PLCB4: variants seen among roughly 807,000 people sequenced by gnomAD.
PLCB4 encodes phospholipase C beta 4, also known as 1-phosphatidylinositol 4,5-bisphosphate phosphodiesterase beta-4.
Under a neutral mutation model 178.8 loss-of-function variants are expected in PLCB4, and 77 were observed. The observed-to-expected ratio is 0.43, with a 90% CI of 0.36 to 0.52. The LOEUF (loss-of-function observed/expected upper bound fraction) is 0.52, where lower values mean the gene tolerates loss of function less well. Ranked by LOEUF, PLCB4 falls within the 20% of genes least tolerant of loss-of-function variation. PLCB4 has a pLI of 0.00. For missense variants in PLCB4, 1,024 were observed against 1,453.4 expected (o/e 0.70, Z 4.80); for synonymous variants, 496 against 490.8 (o/e 1.01, Z -0.14).
chr20:9,336,493 AG>A (rs960815655), intron 4 of PLCB4, among the ~76,000 whole-genome samples: 2 of 152,146 alleles, frequency 1.3e-5, no homozygotes, highest in African/African-American at 4.8e-5. Flanking sequence ...AATCTTCTAG[AG>A]GGCTTGTTGG....
chr20:9,202,243 G>A (rs924539355), intron 2 of PLCB4, among the ~76,000 whole-genome samples: 21 of 152,164 alleles, frequency 1.4e-4, no homozygotes, highest in African/African-American at 4.3e-4. Flanking sequence ...GACTGTCAAA[G>A]GGGCAGCCTG....
intron 2 of PLCB4, among the ~76,000 whole-genome samples, chr20:9,151,313 G>A (rs774214702): frequency 1.3e-5 from 2 of 152,012 alleles, no homozygotes; most frequent in Non-Finnish European, 2.9e-5. Flanking sequence ...GTACCTGTGG[G>A]GGATCCTGGA....
intron 2 of PLCB4, among the ~76,000 whole-genome samples, chr20:9,118,818 G>A (rs951008332): frequency 6.6e-6 from 1 of 152,182 alleles, no homozygotes; most frequent in Admixed American, 6.5e-5. Context: ...GTGATTTATT[G>A]TTAGAGAAAA....
intron 2 of PLCB4, among the ~76,000 whole-genome samples, chr20:9,160,187 T>TGGG (rs539492926): frequency 1.2e-3 from 176 of 152,190 alleles, no homozygotes; most frequent in African/African-American, 3.9e-3. Flanking sequence ...GCTGGGAGTG[T>TGGG]GGGGGGTGGG....
intron 12 of PLCB4, among the ~76,000 whole-genome samples, chr20:9,374,494 A>T (rs962184859): frequency 1.1e-4 from 16 of 151,960 alleles, no homozygotes; most frequent in African/African-American, 3.4e-4. Flanking sequence ...TGGCTTCTTC[A>T]TGCACTTTGG....
chr20:9,332,941 C>G (rs113084346), intron 4 of PLCB4, among the ~76,000 whole-genome samples: 1 of 152,182 alleles, frequency 6.6e-6, no homozygotes, highest in Admixed American at 6.5e-5. Context: ...TCACCCCCAA[C>G]CTCGAAGATG....
At chr20:9,374,430 CCTT>C (rs1203165726) in intron 12 of PLCB4, among the ~76,000 whole-genome samples, 17 of 152,142 alleles carry the variant, frequency 1.1e-4, no homozygotes, top group Non-Finnish European at 1.9e-4. Flanking sequence ...AACCCCTTCC[CCTT>C]CTTCTGCCTT....
chr20:9,354,614 G>C (rs1457294009), intron 7 of PLCB4, among the ~76,000 whole-genome samples: 1 of 152,224 alleles, frequency 6.6e-6, no homozygotes, highest in Non-Finnish European at 1.5e-5. Context: ...CCACACTTGA[G>C]AACCTCTGGC....
chr20:9,311,562 AC>A, intron 4 of PLCB4, among the ~76,000 whole-genome samples: 1 of 151,864 alleles, frequency 6.6e-6, no homozygotes, highest in East Asian at 1.9e-4. Context: ...TTTTAATCAC[AC>A]TCAGAGTCCT....
In PLCB4 at chr20:9,108,911, GA is replaced by G. The variant is rs1386313364; in HGVS notation, c.-79+12570del. Among the ~76,000 whole-genome samples the G allele has an allele frequency of 8.0e-4, 121 of 151,578 alleles. 1 individual carries two copies. The highest frequency in any genetic ancestry group is 2.8e-3 in the African/African-American group (116 of 41,302). On this transcript the variant is annotated intron_variant, in intron 2 of 39. Transcript: ENST00000378473. ...GAAGAGAGAAAACAAGAGAGAGAGA[GA>G]GAGAGAGAGAGAGAAAGAGAGAGAG...
intron 35 of PLCB4, among the ~76,000 whole-genome samples, chr20:9,467,242 A>T (rs966557237): frequency 1.3e-5 from 2 of 152,152 alleles, no homozygotes; most frequent in African/African-American, 4.8e-5. Context: ...GAACACTTGG[A>T]CACAGGGTAG....
intron 2 of PLCB4, among the ~76,000 whole-genome samples, chr20:9,193,347 T>A (rs1237808294): frequency 2.6e-5 from 4 of 152,212 alleles, no homozygotes; most frequent in African/African-American, 9.6e-5. Flanking sequence ...AGGACCAGTG[T>A]AGAACATGCC....
chr20:9,230,509 T>C (rs1303837869), intron 3 of PLCB4, among the ~76,000 whole-genome samples: 4 of 152,196 alleles, frequency 2.6e-5, no homozygotes, highest in African/African-American at 9.7e-5. Flanking sequence ...TTTCCCTGAC[T>C]GACCAGTGTC....
At chr20:9,455,113 C>T (rs142063039) in intron 33 of PLCB4, among the ~76,000 whole-genome samples, 1 of 152,098 alleles carries the variant, frequency 6.6e-6, no homozygotes, top group South Asian at 2.1e-4. Context: ...AAATTAATTT[C>T]TCATATTTAA....
chr20:9,205,998 A>G (rs1157659635), intron 2 of PLCB4, among the ~76,000 whole-genome samples: 1 of 152,180 alleles, frequency 6.6e-6, no homozygotes, highest in African/African-American at 2.4e-5. Context: ...CTTTGTAATG[A>G]TGCCACTAGA....
chr20:9,111,846 A>G (rs1204515316), intron 2 of PLCB4, among the ~76,000 whole-genome samples: 1 of 152,218 alleles, frequency 6.6e-6, no homozygotes, highest in African/African-American at 2.4e-5. Context: ...AGAAATAATT[A>G]CTTTGATTTA....
At chr20:9,391,007 G>C (rs934056468) in intron 17 of PLCB4, among the ~76,000 whole-genome samples, 3 of 152,124 alleles carry the variant, frequency 2.0e-5, no homozygotes, top group African/African-American at 7.2e-5. Context: ...CCTGAGCATG[G>C]TGTTTTAAAA....
At chr20:9,252,707 A>G (rs537362494) in intron 3 of PLCB4, among the ~76,000 whole-genome samples, 5 of 152,344 alleles carry the variant, frequency 3.3e-5, no homozygotes, top group East Asian at 1.9e-4. Flanking sequence ...GCCCTCATCA[A>G]TGGAGCTGGG....
chr20:9,390,611 A>T lies in PLCB4; in HGVS notation c.1319A>T (p.His440Leu). 2 of 1,465,230 alleles carry T rather than the reference A, an allele frequency of 1.4e-6. No homozygotes were observed. Among genetic ancestry groups the T allele is most frequent in the South Asian group, 1.1e-5 (1 of 87,586 alleles). 90.8% of individuals were successfully genotyped at this position (1,465,230 alleles called of 1,614,324 possible). ...CTGTTGAAACAAGCACTTGAATCACATCCAGTATGTATTTTTAACAAACCA... is the reference window on the plus strand; with the variant it reads ...CTGTTGAAACAAGCACTTGAATCACTTCCAGTATGTATTTTTAACAAACCA... Reference protein sequence around the residue: ...DLLLKQALESHPLEPGRALPS... With the variant: ...DLLLKQALESLPLEPGRALPS... The change falls in exon 17 of 40, where the codon CAT becomes CTT. Residue 440 changes from histidine (H) to leucine (L), a missense_variant. His to Leu is a moderately conservative substitution (Grantham distance 99, BLOSUM62 -3). Transcript: ENST00000378473.
Sources: gnomAD v4.1 joint callset for allele counts (sites outside exome capture counted in the v4.1 genomes callset) on GRCh38, gnomAD v4.1.1 for gene constraint, MANE v1.5 for transcripts, NCBI Gene and HGNC (gene_info 2026-07-23, HGNC 2026-07-21) for gene names.